RASSF1: variants seen among roughly 807,000 people sequenced by gnomAD.
The protein encoded by RASSF1 is Ras association domain family member 1, also known as ras association domain-containing protein 1.
A neutral mutation model predicts 34.3 loss-of-function variants in RASSF1; 33 were observed. That is an observed-to-expected ratio of 0.96 (90% CI 0.73 to 1.29). The LOEUF (loss-of-function observed/expected upper bound fraction) is 1.29. Ranked by LOEUF, RASSF1 falls within the 50% of genes most tolerant of loss-of-function variation. The pLI, the probability that RASSF1 is intolerant of heterozygous loss-of-function variation, is 0.00. For missense variants in RASSF1, 445 were observed against 471.8 expected (o/e 0.94, Z 0.53); for synonymous variants, 191 against 195.0 (o/e 0.98, Z 0.17).
rs757728069 is a variant in RASSF1, at chr3:50,331,614, C to T, written c.705G>A (p.Val235=). The T allele has an allele frequency of 1.9e-6, 3 of 1,604,822 alleles. No individual in the cohort carries two copies. Among genetic ancestry groups the T allele is most frequent in the Non-Finnish European group, 2.6e-6 (3 of 1,172,380 alleles). ...VIEALLRKFL[V]VDDPRKFALF... ...GTGCAAACTTGCGGGGGTCATCCACCACCAAGAACTTTCGCAGCAGGGCCT... is the reference window on the plus strand; with the variant it reads ...GTGCAAACTTGCGGGGGTCATCCACTACCAAGAACTTTCGCAGCAGGGCCT... Residue 235 remains valine, a synonymous_variant, in exon 4 of 6, where the codon GTG becomes GTA. Transcript: ENST00000359365.
In RASSF1 at chr3:50,331,601, G is replaced by A. The variant is rs754586222; in HGVS notation, c.718C>T (p.Arg240Cys). The A allele has an allele frequency of 1.5e-5, 24 of 1,603,494 alleles. No individual in the cohort carries two copies. The highest frequency in any genetic ancestry group is 4.0e-5 in the African/African-American group (3 of 74,742). The change falls in exon 4 of 6, where the codon CGC becomes TGC. Residue 240 changes from arginine to cysteine, a missense_variant. Transcript: ENST00000359365. Reference protein sequence around the residue: ...LRKFLVVDDPRKFALFERAER... With the variant: ...LRKFLVVDDPCKFALFERAER... Reference sequence around the variant, plus strand: ...GCGCGCTCAAAGAGTGCAAACTTGCGGGGGTCATCCACCACCAAGAACTTT... The same window carrying A: ...GCGCGCTCAAAGAGTGCAAACTTGCAGGGGTCATCCACCACCAAGAACTTT...
intron 1 of RASSF1, chr3:50,338,342 C>T (rs753056515): frequency 3.1e-5 from 16 of 515,728 alleles, no homozygotes; most frequent in Non-Finnish European, 3.9e-5. Flanking sequence ...TGCAATGGCG[C>T]GATTTCGGCT....
rs1454751478 is a variant in RASSF1 at position 50,340,651 on chromosome 3, T to C, written c.155A>G (p.His52Arg). 5.2e-6 allele frequency: 8 copies of C among 1,526,540 alleles called. No homozygotes were observed. Among genetic ancestry groups the C allele is most frequent in the Non-Finnish European group, 6.1e-6 (7 of 1,147,578 alleles). 94.6% of individuals were successfully genotyped at this position (1,526,540 alleles called of 1,614,324 possible). ...GGCGGGCCCCGCGGGCTGGAAGCGG[T>C]GGCCACGGCCAGGGACCAGCTGCCG... is the stretch of plus-strand genomic sequence containing the variant. ...PTRQLVPGRG[H>R]RFQPAGPATH... The change falls in exon 1 of 6, where the codon CAC becomes CGC. Residue 52 changes from histidine (H) to arginine (R), a missense_variant. Coordinates refer to ENST00000359365, the MANE Select transcript of RASSF1 (RefSeq NM_007182.5).
chr3:50,335,771 A>G (rs1703115465), intron 2 of RASSF1, among the ~76,000 whole-genome samples: 2 of 150,438 alleles, frequency 1.3e-5, no homozygotes, highest in South Asian at 4.2e-4. Context: ...ATGCCCGGCT[A>G]ATTTTTGTAT....
intron 2 of RASSF1, 47 bp from the exon 3 acceptor site, chr3:50,332,201 G>T: frequency 6.4e-7 from 1 of 1,567,220 alleles, no homozygotes; most frequent in Non-Finnish European, 8.8e-7. Context: ...GGAACCCAGG[G>T]CTTCTCTGAA....
In RASSF1 at chr3:50,333,480, A is replaced by ATT. The variant is rs112501291; in HGVS notation, c.358-1328_358-1327dup. 2.7e-3 allele frequency among the ~76,000 whole-genome samples: 388 copies of ATT among 145,078 alleles called. 2 individuals carry two copies. The highest frequency in any genetic ancestry group is 9.3e-3 in the African/African-American group (370 of 39,632). ...TGCTGTCTGGAGATTTGGCCCAAAG[A>ATT]TTTTTTTTTTTTTTGAGACGAAGCC... On this transcript the variant is annotated intron_variant, in intron 2 of 5. Transcript: ENST00000359365.
chr3:50,332,594 C>T (rs1415362774), intron 2 of RASSF1, among the ~76,000 whole-genome samples: 5 of 151,842 alleles, frequency 3.3e-5, no homozygotes, highest in African/African-American at 1.2e-4. Context: ...TTGAGACCAG[C>T]TTGGGCAACA....
At chr3:50,334,957 G>T (rs1302405595) in intron 2 of RASSF1, among the ~76,000 whole-genome samples, 3 of 149,340 alleles carry the variant, frequency 2.0e-5, no homozygotes, top group African/African-American at 7.4e-5. Context: ...AAAACTGATG[G>T]TTTTTTTTTT....
chr3:50,333,814 TC>T (rs1482126257), intron 2 of RASSF1, among the ~76,000 whole-genome samples: 1 of 152,064 alleles, frequency 6.6e-6, no homozygotes, highest in African/African-American at 2.4e-5. Flanking sequence ...ACTCCCCACC[TC>T]ATCTAGGGAC....
Position 50,330,787 on chromosome 3 carries a change from C to T in RASSF1, c.877-60G>A, listed in dbSNP as rs1398981235. On this transcript the variant is annotated intron_variant, in intron 5 of 5. Transcript: ENST00000359365. The surrounding 1 kb of genome is among the most constrained non-coding windows in gnomAD (Gnocchi z 4.5). The stretch of plus-strand genomic sequence containing the variant: ...GAAGGGATGGCCAAGCCAGCAGACC[C>T]TCCCCAGAGAAGACTAGCACCTCAT... 3 of 1,559,868 alleles carry T rather than the reference C, an allele frequency of 1.9e-6. No individual in the cohort carries two copies. Among genetic ancestry groups the T allele is most frequent in the South Asian group, 1.1e-5 (1 of 87,848 alleles).
chr3:50,339,698 C>T (rs6446203), intron 1 of RASSF1, among the ~76,000 whole-genome samples: 16,040 of 152,126 alleles, frequency 0.11, 1,987 homozygotes, highest in African/African-American at 0.3. Flanking sequence ...TCTGTCACAA[C>T]TTTGTGCTCC....
chr3:50,333,819 T>C (rs587693804), intron 2 of RASSF1, among the ~76,000 whole-genome samples: 1 of 152,244 alleles, frequency 6.6e-6, no homozygotes, highest in East Asian at 1.9e-4. Flanking sequence ...CCACCTCATC[T>C]AGGGACTGGA....
intron 2 of RASSF1, chr3:50,337,187 G>C: frequency 6.2e-7 from 1 of 1,611,612 alleles, no homozygotes. Context: ...TCCCGGCGCG[G>C]CCTGCGAGCT....
chr3:50,330,283 CA>C lies in RASSF1; in HGVS notation c.*297del. On this transcript the variant is annotated 3_prime_UTR_variant, in exon 6 of 6. Transcript: ENST00000359365. This position sits in a 1 kb window ranked among gnomAD's most constrained non-coding sequence, Gnocchi z 4.5. ...GTCTCCAAGATTTTCACTTCTGAGACAAAAATTGAGGAGACTTCTGTCTGCA... is the reference window on the plus strand; with the variant it reads ...GTCTCCAAGATTTTCACTTCTGAGACAAAATTGAGGAGACTTCTGTCTGCA... 1 of 333,856 alleles carries C rather than the reference CA, an allele frequency of 3.0e-6. No homozygotes were observed. Among genetic ancestry groups the C allele is most frequent in the African/African-American group, 2.1e-5 (1 of 47,164 alleles). The allele number at this position is 333,856 out of a possible 1,614,324, so 20.7% of individuals were successfully genotyped here.
intron 2 of RASSF1, chr3:50,337,027 G>C: frequency 8.8e-7 from 1 of 1,140,030 alleles, no homozygotes; most frequent in East Asian, 2.8e-5. Flanking sequence ...CGGTTCCGCG[G>C]GCAGGTCCCC....
In RASSF1 at chr3:50,330,573, A is replaced by G. The variant is rs782155769; in HGVS notation, c.*8T>C. The stretch of plus-strand genomic sequence containing the variant: ...TGCTGTCTGCCTTCCACCTGGGGGT[A>G]CAAGAGGTCACCCAAGGGGGCAGGC... On this transcript the variant is annotated 3_prime_UTR_variant, in exon 6 of 6. Transcript: ENST00000359365. This position sits in a 1 kb window ranked among gnomAD's most constrained non-coding sequence, Gnocchi z 4.5. The G allele has an allele frequency of 2.5e-6, 4 of 1,613,720 alleles. No homozygotes were observed. The highest frequency in any genetic ancestry group is 3.4e-6 in the Non-Finnish European group (4 of 1,179,894).
intron 2 of RASSF1, among the ~76,000 whole-genome samples, chr3:50,335,515 T>C (rs1224461232): frequency 6.6e-6 from 1 of 152,034 alleles, no homozygotes; most frequent in African/African-American, 2.4e-5. Context: ...GACGGGGTTT[T>C]GCTATGTTGG....
At position 50,330,294 on chromosome 3, in the gene RASSF1, G is replaced by C. The variant is rs1175083879; in HGVS notation, c.*287C>G. The C allele has an allele frequency of 2.8e-6, 1 of 361,714 alleles. No homozygotes were observed. The highest frequency in any genetic ancestry group is 2.1e-5 in the African/African-American group (1 of 47,792). The allele number at this position is 361,714 out of a possible 1,614,324, so 22.4% of individuals were successfully genotyped here. A position where few individuals can be genotyped will look rare whatever the true frequency, so the allele number is the denominator to read the frequency against. On this transcript the variant is annotated 3_prime_UTR_variant, in exon 6 of 6. Transcript: ENST00000359365. The surrounding 1 kb of genome is among the most constrained non-coding windows in gnomAD (Gnocchi z 4.5). ...TTTCACTTCTGAGACAAAAATTGAG[G>C]AGACTTCTGTCTGCACCACTCCTGC... is the stretch of plus-strand genomic sequence containing the variant.
At chr3:50,338,146 A>C in intron 1 of RASSF1, 135 bp from the exon 2 acceptor site, 2 of 1,461,210 alleles carry the variant, frequency 1.4e-6, no homozygotes, top group Non-Finnish European at 1.8e-6. Context: ...GGGTTACCTC[A>C]CACTGCTACG....
Sources: allele counts gnomAD v4.1 joint callset (sites outside exome capture counted in the v4.1 genomes callset), GRCh38; gene constraint gnomAD v4.1.1; non-coding constraint Gnocchi (gnomAD v3.1); transcripts MANE v1.5; gene names NCBI Gene and HGNC (gene_info 2026-07-23, HGNC 2026-07-21).